The following SMTNL1 variants were observed in gnomAD, a reference collection of about 807,000 sequenced individuals.
SMTNL1 encodes smoothelin-like protein 1.
A neutral mutation model predicts 46.6 loss-of-function variants in SMTNL1; 41 were observed. The ratio of observed to expected loss-of-function variants is 0.88; its 90% CI spans 0.69 to 1.14. The LOEUF (loss-of-function observed/expected upper bound fraction) is 1.14. Among genes scored for constraint, SMTNL1 ranks in the 50% most tolerant of loss-of-function variants. The pLI is 0.00. For missense variants in SMTNL1, 591 were observed against 626.1 expected, an observed-to-expected ratio of 0.94 and a Z score of 0.60; for synonymous variants, 234 against 234.2, an observed-to-expected ratio of 1.00 and a Z score of 0.01.
chr11:57,542,990 A>C lies in SMTNL1; in HGVS notation c.348A>C (p.Glu116Asp). 1 of 1,602,192 alleles carries C rather than the reference A, an allele frequency of 6.2e-7. No homozygotes were observed. The highest frequency in any genetic ancestry group is 1.3e-5 in the African/African-American group (1 of 74,814). ...VGSQEMTGRK[E>D]ETKSEPKEAE... ...CTCAGGAGATGACTGGCAGGAAAGA[A>C]GAGACCAAATCTGAACCCAAAGAGG... Residue 116 changes from glutamate to aspartate, a missense_variant, in exon 2 of 8, where the codon GAA (glutamate) becomes GAC (aspartate). Coordinates refer to ENST00000527972, the MANE Select transcript of SMTNL1 (RefSeq NM_001105565.3).
chr11:57,539,738 G>A (rs1944858256), intron 1 of SMTNL1, among the ~76,000 whole-genome samples: 1 of 152,218 alleles, frequency 6.6e-6, no homozygotes, highest in Admixed American at 6.5e-5. Flanking sequence ...AGCCTCTTGA[G>A]TGGCTGGGAC....
rs2135265701 is a variant in SMTNL1, at chr11:57,545,972, G to A, written c.1009G>A (p.Ala337Thr). The A allele has an allele frequency of 6.2e-7, 1 of 1,610,928 alleles. No homozygotes were observed. Among genetic ancestry groups the A allele is most frequent in the Non-Finnish European group, 8.5e-7 (1 of 1,178,988 alleles). Residue 337 changes from alanine (A) to threonine (T), a missense_variant, in exon 5 of 8, where the codon GCC becomes ACC. Coordinates refer to ENST00000527972, the MANE Select transcript of SMTNL1 (RefSeq NM_001105565.3). ...KEKAPERRVS[A>T]PARPRGPRAQ... The stretch of plus-strand genomic sequence containing the variant: ...GAAGGCACCAGAGCGCAGGGTATCA[G>A]CCCCTGCTCGGCCCCGGGGGCCCCG...
chr11:57,543,804 G>C (rs1331450855), intron 3 of SMTNL1, 48 bp downstream of exon 3: 1 of 1,556,708 alleles, frequency 6.4e-7, no homozygotes, highest in Admixed American at 1.9e-5. Flanking sequence ...GCCACCTGGG[G>C]GAGGGGCGCA....
At position 57,542,802 on chromosome 11, in the gene SMTNL1, G is replaced by A; in HGVS notation, c.160G>A (p.Glu54Lys). 1.2e-6 allele frequency: 2 copies of A among 1,613,892 alleles called. No individual in the cohort carries two copies. The highest frequency in any genetic ancestry group is 1.7e-6 in the Non-Finnish European group (2 of 1,179,854). Residue 54 changes from glutamate to lysine, a missense_variant, in exon 2 of 8, where the codon GAA (glutamate) becomes AAA (lysine). Transcript: ENST00000527972. ...EGPPTESGKQ[E>K]KAPAEDGMSA... ...GCCTCCCACTGAGTCAGGAAAGCAGGAAAAGGCACCAGCCGAGGACGGCAT... is the reference window on the plus strand; with the variant it reads ...GCCTCCCACTGAGTCAGGAAAGCAGAAAAAGGCACCAGCCGAGGACGGCAT...
Position 57,546,299 on chromosome 11 carries a change from C to G in SMTNL1, c.1140C>G (p.Val380=). The G allele has an allele frequency of 6.2e-7, 1 of 1,611,426 alleles. No individual in the cohort carries two copies. Among genetic ancestry groups the G allele is most frequent in the Non-Finnish European group, 8.5e-7 (1 of 1,179,014 alleles). ...CAGCCGGGGCAGCCATTGGTGGTGTCAAGAACATGCTCTTGGAGTGGTGCC... is the reference window on the plus strand; with the variant it reads ...CAGCCGGGGCAGCCATTGGTGGTGTGAAGAACATGCTCTTGGAGTGGTGCC... ...TKAAGAAIGG[V]KNMLLEWCRA... Residue 380 remains valine (V), a synonymous_variant, in exon 6 of 8, where the codon GTC becomes GTG. Transcript: ENST00000527972.
chr11:57,538,460 A>AT (rs1022644933), intron 1 of SMTNL1, among the ~76,000 whole-genome samples: 1 of 152,186 alleles, frequency 6.6e-6, no homozygotes, highest in Non-Finnish European at 1.5e-5. Context: ...AAAGGAGAGA[A>AT]TAAGAAAGGA....
chr11:57,544,810 C>A (rs1410168450), intron 4 of SMTNL1, among the ~76,000 whole-genome samples: 1 of 151,460 alleles, frequency 6.6e-6, no homozygotes, highest in Non-Finnish European at 1.5e-5. Flanking sequence ...TTATCTGGAG[C>A]TGAAATCTGC....
intron 1 of SMTNL1, chr11:57,541,426 C>A: frequency 3.8e-6 from 5 of 1,305,024 alleles, no homozygotes; most frequent in Non-Finnish European, 5.1e-6. Flanking sequence ...GGGGCCCCCA[C>A]ACACCTGTTT....
At chr11:57,547,174 G>C (rs192873683) in intron 7 of SMTNL1, among the ~76,000 whole-genome samples, 13 of 152,318 alleles carry the variant, frequency 8.5e-5, no homozygotes, top group African/African-American at 2.4e-4. Flanking sequence ...AGGGAAACTT[G>C]CAGTCTGGAC....
intron 1 of SMTNL1, among the ~76,000 whole-genome samples, chr11:57,539,106 T>C (rs1413089057): frequency 6.6e-6 from 1 of 151,952 alleles, no homozygotes; most frequent in African/African-American, 2.4e-5. Flanking sequence ...CTCAGCACTT[T>C]AGGAGGCCGA....
chr11:57,540,119 A>G (rs1202786535), intron 1 of SMTNL1, among the ~76,000 whole-genome samples: 1 of 152,236 alleles, frequency 6.6e-6, no homozygotes, highest in Non-Finnish European at 1.5e-5. Flanking sequence ...GAGGAAAAAA[A>G]AAAGTCATGG....
intron 1 of SMTNL1, among the ~76,000 whole-genome samples, chr11:57,538,877 G>A (rs934226119): frequency 2.6e-5 from 4 of 152,178 alleles, no homozygotes; most frequent in Admixed American, 1.3e-4. Context: ...GGGGTGGGTG[G>A]TGGCGTCCTG....
chr11:57,543,565 C>T, intron 2 of SMTNL1, 59 bp from the exon 3 acceptor site: 1 of 1,573,146 alleles, frequency 6.4e-7, no homozygotes, highest in South Asian at 1.2e-5. Context: ...CTGAAGTCCT[C>T]ATGAAGCCAG....
chr11:57,550,115 A>T lies in SMTNL1; in HGVS notation c.*3A>T. The T allele has an allele frequency of 6.2e-7, 1 of 1,610,690 alleles. No homozygotes were observed. The highest frequency in any genetic ancestry group is 8.5e-7 in the Non-Finnish European group (1 of 1,178,284). On this transcript the variant is annotated 3_prime_UTR_variant, in exon 8 of 8. Coordinates refer to ENST00000527972, the MANE Select transcript of SMTNL1 (RefSeq NM_001105565.3). ...TGGTGAAGACCAAGAAGAAGTGAGG[A>T]GGTGACTGGCTCTGTGGGCAGAGAT...
chr11:57,549,201 T>C (rs1399706084), intron 7 of SMTNL1, among the ~76,000 whole-genome samples: 2 of 152,058 alleles, frequency 1.3e-5, no homozygotes, highest in Admixed American at 1.3e-4. Context: ...AATTTTTGTA[T>C]TTTTAGTAGA....
intron 4 of SMTNL1, among the ~76,000 whole-genome samples, chr11:57,544,993 C>T (rs1430229262): frequency 3.9e-5 from 6 of 152,012 alleles, no homozygotes; most frequent in East Asian, 1.9e-4. Flanking sequence ...CGCGCCACCA[C>T]GCCTGGCTAA....
intron 7 of SMTNL1, 110 bp from the exon 8 acceptor site, chr11:57,549,858 C>T: frequency 1.7e-6 from 2 of 1,189,930 alleles, no homozygotes; most frequent in African/African-American, 1.5e-5. Context: ...GCCCCAACAT[C>T]CCAGCCCATC....
chr11:57,543,575 G>A (rs923803481), intron 2 of SMTNL1, 49 bp from the exon 3 acceptor site: 61 of 1,587,080 alleles, frequency 3.8e-5, no homozygotes, highest in Non-Finnish European at 5.0e-5. Flanking sequence ...CATGAAGCCA[G>A]GGCAGGTGCT....
At position 57,542,787 on chromosome 11, in the gene SMTNL1, G is replaced by A; in HGVS notation, c.145G>A (p.Glu49Lys). 6.2e-7 allele frequency: 1 copy of A among 1,613,944 alleles called. No individual in the cohort carries two copies. The highest frequency in any genetic ancestry group is 8.5e-7 in the Non-Finnish European group (1 of 1,179,862). ...GKAINEGPPTESGKQEKAPAE... is the reference protein window; with the variant it reads ...GKAINEGPPTKSGKQEKAPAE... ...GGCCATCAATGAGGGGCCTCCCACT[G>A]AGTCAGGAAAGCAGGAAAAGGCACC... Residue 49 changes from glutamate to lysine, a missense_variant, in exon 2 of 8, where the codon GAG becomes AAG. Transcript: ENST00000527972.
Sources: gnomAD v4.1 joint callset for allele counts (sites outside exome capture counted in the v4.1 genomes callset) on GRCh38, gnomAD v4.1.1 for gene constraint, MANE v1.5 for transcripts, NCBI Gene and HGNC (gene_info 2026-07-23, HGNC 2026-07-21) for gene names.